Variants in ABHD16A observed in about 807,000 individuals in gnomAD.
ABHD16A encodes phosphatidylserine lipase ABHD16A.
In ABHD16A, 47 loss-of-function variants were observed where a neutral mutation model predicts 89.8. The observed-to-expected ratio is 0.52, with a 90% CI of 0.41 to 0.67. ABHD16A has a LOEUF of 0.67. ABHD16A is among the 30% of genes least tolerant of loss of function. The probability of loss-of-function intolerance (pLI) is 0.00; values close to 1 mark genes in which losing one functional copy is unlikely to be tolerated. For synonymous variants in ABHD16A, 251 were observed against 280.4 expected (o/e 0.90, Z 1.05); for missense variants, 580 against 734.6 (o/e 0.79, Z 2.43).
rs145106584 is a variant in ABHD16A, at chr6:31,691,668, G to A, written c.754C>T (p.Arg252Trp). 3.8e-6 allele frequency: 6 copies of A among 1,588,104 alleles called. No homozygotes were observed. The highest frequency in any genetic ancestry group is 2.7e-5 in the African/African-American group (2 of 73,524). The change falls in exon 9 of 20, where the codon CGG becomes TGG. Residue 252 changes from arginine (R) to tryptophan (W), a missense_variant. Arg to Trp is a moderately radical substitution (Grantham distance 101). This residue lies in a region of ABHD16A where 415 missense variants were observed against 568.8 expected (regional missense o/e 0.73). Coordinates refer to ENST00000395952, the MANE Select transcript of ABHD16A (RefSeq NM_021160.3). ...CCATCACAGGCCAGCAGCTTTGCCC[G>A]GCGCCCATTACACTGAGTACGGAAG... is the stretch of plus-strand genomic sequence containing the variant. The part of the protein sequence containing the change: ...ARLVEECNGR[R>W]AKLLACDGNE...
intron 1 of ABHD16A, chr6:31,702,903 G>T: frequency 7.6e-7 from 1 of 1,307,504 alleles, no homozygotes; most frequent in Non-Finnish European, 9.8e-7. Flanking sequence ...GGGTCGGGGG[G>T]ACGCGGAGAG....
chr6:31,695,936 C>A (rs1804345906), intron 5 of ABHD16A, among the ~76,000 whole-genome samples: 1 of 151,982 alleles, frequency 6.6e-6, no homozygotes, highest in Admixed American at 6.6e-5. Flanking sequence ...GAGGCCGAGG[C>A]AGGCGGATCA....
At chr6:31,692,479 C>T (rs540415677) in intron 7 of ABHD16A, among the ~76,000 whole-genome samples, 1 of 152,280 alleles carries the variant, frequency 6.6e-6, no homozygotes, top group East Asian at 1.9e-4. Context: ...TATTTCCGTT[C>T]CTTCTGACAT....
chr6:31,696,467 T>C (rs805275), intron 5 of ABHD16A, among the ~76,000 whole-genome samples: 13,063 of 151,672 alleles, frequency 0.086, 948 homozygotes, highest in African/African-American at 0.2. Flanking sequence ...ACCCCGTCTC[T>C]ACAAAAAATA....
intron 1 of ABHD16A, chr6:31,702,790 A>C (rs960000683): frequency 2.1e-6 from 3 of 1,449,122 alleles, no homozygotes; most frequent in Non-Finnish European, 1.8e-6. Flanking sequence ...GAAGAAGAGG[A>C]AACTGGGAGT....
At chr6:31,692,941 T>C in intron 7 of ABHD16A, 86 bp downstream of exon 7, 2 of 1,576,246 alleles carry the variant, frequency 1.3e-6, no homozygotes, top group Non-Finnish European at 1.7e-6. Context: ...GAGTGACAGC[T>C]ATTTTACAAT....
intron 12 of ABHD16A, among the ~76,000 whole-genome samples, 183 bp from the exon 13 acceptor site, chr6:31,689,302 G>T (rs946073126): frequency 1.3e-5 from 2 of 152,102 alleles, no homozygotes; most frequent in Admixed American, 6.5e-5. Context: ...TAGAACACTG[G>T]AGATAGTGCA....
At position 31,687,684 on chromosome 6, in the gene ABHD16A, A is replaced by C; in HGVS notation, c.1504T>G (p.Ser502Ala). 1 of 1,612,766 alleles carries C rather than the reference A, an allele frequency of 6.2e-7. No individual in the cohort carries two copies. The highest frequency in any genetic ancestry group is 8.5e-7 in the Non-Finnish European group (1 of 1,179,904). The change falls in exon 18 of 20, where the codon TCC becomes GCC. Residue 502 changes from serine to alanine, a missense_variant. By Grantham distance (99) the Ser-to-Ala change is moderately conservative (BLOSUM62 1). This residue lies in a region of ABHD16A where 415 missense variants were observed against 568.8 expected (regional missense o/e 0.73). Coordinates refer to ENST00000395952, the MANE Select transcript of ABHD16A (RefSeq NM_021160.3). This position sits in a 1 kb window ranked among gnomAD's most constrained non-coding sequence, Gnocchi z 6.3. ...TCGGGCCCGTGTTCTGCCTGGTAGG[A>C]GCGGAGGACAGACAGACACCAGTCC... Reference protein sequence around the residue: ...EEDWCLSVLRSYQAEHGPDFP... With the variant: ...EEDWCLSVLRAYQAEHGPDFP...
intron 1 of ABHD16A, chr6:31,702,757 CG>C (rs1308099652): frequency 1.5e-5 from 22 of 1,514,240 alleles, no homozygotes; most frequent in Middle Eastern, 1.8e-4. Flanking sequence ...AAAACAGAGC[CG>C]GGGGAGGCAT....
chr6:31,689,191 C>T, intron 12 of ABHD16A, 72 bp from the exon 13 acceptor site: 1 of 1,381,498 alleles, frequency 7.2e-7, no homozygotes, highest in Non-Finnish European at 1.0e-6. Flanking sequence ...ATGCTCTCAT[C>T]CCACTGACCC....
At chr6:31,700,701 C>T (rs1338196046) in intron 4 of ABHD16A, among the ~76,000 whole-genome samples, 1 of 151,520 alleles carries the variant, frequency 6.6e-6, no homozygotes, top group East Asian at 1.9e-4. Context: ...AGTTTGAGAC[C>T]AGCCTGGACA....
chr6:31,701,892 A>G (rs1805042132), intron 2 of ABHD16A, among the ~76,000 whole-genome samples, 182 bp downstream of exon 2: 1 of 152,164 alleles, frequency 6.6e-6, no homozygotes, highest in African/African-American at 2.4e-5. Context: ...TACATACCAA[A>G]GGGGAGTGCC....
At position 31,703,256 on chromosome 6, in the gene ABHD16A, A is replaced by G; in HGVS notation, c.26T>C (p.Leu9Pro). ...GTAGATTTTGTAGAGCCGGGGGCCT[A>G]GGACGCAGCTCAGCAGCTTCGCCAT... Reference protein sequence around the residue: MAKLLSCVLGPRLYKIYRE... With the variant: MAKLLSCVPGPRLYKIYRE... The change falls in exon 1 of 20, where the codon CTA (leucine) becomes CCA (proline). Residue 9 changes from leucine to proline, a missense_variant. Leu to Pro is a moderately conservative substitution (Grantham distance 98). Coordinates refer to ENST00000395952, the MANE Select transcript of ABHD16A (RefSeq NM_021160.3). 3 of 1,391,708 alleles carry G rather than the reference A, an allele frequency of 2.2e-6. No homozygotes were observed. Among genetic ancestry groups the G allele is most frequent in the Middle Eastern group, 2.2e-4 (1 of 4,642 alleles). 86.2% of individuals were successfully genotyped at this position (1,391,708 alleles called of 1,614,324 possible). A position where few individuals can be genotyped will look rare whatever the true frequency, so the allele number is the denominator to read the frequency against.
Position 31,686,999 on chromosome 6 carries a change from C to A in ABHD16A, c.*213G>T. 1 of 570,840 alleles carries A rather than the reference C, an allele frequency of 1.8e-6. No individual in the cohort carries two copies. The highest frequency in any genetic ancestry group is 2.4e-5 in the South Asian group (1 of 41,870). 35.4% of individuals were successfully genotyped at this position (570,840 alleles called of 1,614,324 possible). On this transcript the variant is annotated 3_prime_UTR_variant, in exon 20 of 20. Coordinates refer to ENST00000395952, the MANE Select transcript of ABHD16A (RefSeq NM_021160.3). This position sits in a 1 kb window ranked among gnomAD's most constrained non-coding sequence, Gnocchi z 4.3. ...TTTTTATTAATTATTAGGAATAATC[C>A]ATTCATGTAATGCAGGATGTATGTT...
At position 31,691,927 on chromosome 6, in the gene ABHD16A, AAC is replaced by A. The variant is rs1188213031; in HGVS notation, c.627-11_627-10del. On this transcript the variant is annotated splice_polypyrimidine_tract_variant and intron_variant, in intron 7 of 19. Coordinates refer to ENST00000395952, the MANE Select transcript of ABHD16A (RefSeq NM_021160.3). ...TGTGCGCCACCAGGTAGCTGTGGGG[AAC>A]ACAGGTTAACAAACCCCAACCCTGT... 1.2e-5 allele frequency: 19 copies of A among 1,589,782 alleles called. No individual in the cohort carries two copies. Among genetic ancestry groups the A allele is most frequent in the Non-Finnish European group, 1.5e-5 (18 of 1,168,486 alleles).
At chr6:31,696,319 A>C (rs1804389734) in intron 5 of ABHD16A, among the ~76,000 whole-genome samples, 1 of 147,194 alleles carries the variant, frequency 6.8e-6, no homozygotes, top group Admixed American at 6.8e-5. Flanking sequence ...TAAGAGTGAG[A>C]CTCTGTCTCA....
At position 31,689,684 on chromosome 6, in the gene ABHD16A, A is replaced by G; in HGVS notation, c.978T>C (p.Asn326=). 6.2e-7 allele frequency: 1 copy of G among 1,611,666 alleles called. No individual in the cohort carries two copies. Residue 326 remains asparagine, a synonymous_variant, in exon 12 of 20, where the codon AAT becomes AAC. Transcript: ENST00000395952. ...CCACCACATCCATGGCATTAGCCTC[A>G]TTCTGCGGGAATGGCACCCCCTGCA... The part of the protein sequence containing the change: ...AGSTGVPFPQ[N]EANAMDVVVQ...
At chr6:31,691,533 C>T in intron 9 of ABHD16A, 46 bp downstream of exon 9, 2 of 1,587,474 alleles carry the variant, frequency 1.3e-6, no homozygotes, top group Non-Finnish European at 8.6e-7. Context: ...ACCTCTACTG[C>T]CTTCCTCACA....
chr6:31,691,408 G>C, intron 9 of ABHD16A, 171 bp downstream of exon 9: 1 of 605,594 alleles, frequency 1.7e-6, no homozygotes. Flanking sequence ...TACTTCATCT[G>C]TTTCTCTATC....
Sources: allele counts gnomAD v4.1 joint callset (sites outside exome capture counted in the v4.1 genomes callset), GRCh38; gene constraint gnomAD v4.1.1; regional missense constraint gnomAD v4.1.1; non-coding constraint Gnocchi (gnomAD v3.1); transcripts MANE v1.5; gene names NCBI Gene and HGNC (gene_info 2026-07-23, HGNC 2026-07-21).